The following NELL1 variants were observed in gnomAD, a reference collection of about 807,000 sequenced individuals.
NELL1 encodes protein kinase C-binding protein NELL1.
A neutral mutation model predicts 107.4 loss-of-function variants in NELL1; 76 were observed. That is an observed-to-expected ratio of 0.71 (90% CI 0.59 to 0.86). The LOEUF (loss-of-function observed/expected upper bound fraction) is 0.86. Ranked by LOEUF, NELL1 falls within the 40% of genes least tolerant of loss-of-function variation. The probability of loss-of-function intolerance (pLI) is 0.00; values close to 1 mark genes in which losing one functional copy is unlikely to be tolerated. For synonymous variants in NELL1, 353 were observed against 341.2 expected (o/e 1.03, Z -0.38); for missense variants, 1,024 against 1,005.5 (o/e 1.02, Z -0.25).
intron 15 of NELL1, among the ~76,000 whole-genome samples, chr11:21,451,756 A>T (rs1412782429): frequency 6.6e-6 from 1 of 152,190 alleles, no homozygotes; most frequent in East Asian, 1.9e-4. Context: ...GGCTTCAGAG[A>T]CTGCTTTTCT....
rs1564894982 is a variant in NELL1, at chr11:20,755,546, T to TTTATTTTATTTA, written c.185-28132_185-28131insATTTTATTTATT. 4.2e-4 allele frequency among the ~76,000 whole-genome samples: 19 copies of TTTATTTTATTTA among 45,532 alleles called. 1 individual carries two copies. In the Middle Eastern group the frequency reaches 0.065, roughly 156 times the overall value. 29.9% of individuals were successfully genotyped at this position (45,532 alleles called of 152,430 possible). ...AAGACCTGTGTGGGTTTTTGTTTTTTTTTGTTTTTGTTTTTGTTTTTTTTT... is the reference window on the plus strand; with the variant it reads ...AAGACCTGTGTGGGTTTTTGTTTTTTTTATTTTATTTATTTGTTTTTGTTTTTGTTTTTTTTT... On this transcript the variant is annotated intron_variant, in intron 2 of 19. Transcript: ENST00000357134.
At chr11:20,737,108 C>T (rs1453788614) in intron 2 of NELL1, among the ~76,000 whole-genome samples, 1 of 151,984 alleles carries the variant, frequency 6.6e-6, no homozygotes, top group Non-Finnish European at 1.5e-5. Context: ...TTCTTCCCTA[C>T]GTTATTTATT....
chr11:21,480,761 C>T (rs1854472649), intron 15 of NELL1, among the ~76,000 whole-genome samples: 2 of 152,172 alleles, frequency 1.3e-5, no homozygotes, highest in African/African-American at 4.8e-5. Flanking sequence ...GCAAAGAAGC[C>T]TTTCAGGCAG....
intron 14 of NELL1, among the ~76,000 whole-genome samples, chr11:21,232,146 A>G (rs1324251215): frequency 6.4e-5 from 2 of 31,492 alleles, no homozygotes; most frequent in East Asian, 2.1e-3. Context: ...CTAAAAAAAA[A>G]TAAAAAAAAA....
intron 14 of NELL1, among the ~76,000 whole-genome samples, chr11:21,306,563 G>A (rs896713332): frequency 1.3e-5 from 2 of 151,910 alleles, no homozygotes; most frequent in African/African-American, 4.8e-5. Context: ...TTCTCATTGG[G>A]TGTTCTGAGA....
intron 14 of NELL1, among the ~76,000 whole-genome samples, chr11:21,356,120 C>A (rs1254717818): frequency 6.6e-6 from 1 of 152,166 alleles, no homozygotes; most frequent in East Asian, 1.9e-4. Context: ...CACTTGCTAT[C>A]ATCTAATATC....
chr11:20,814,518 C>T (rs1224802478), intron 3 of NELL1, among the ~76,000 whole-genome samples: 10 of 152,190 alleles, frequency 6.6e-5, no homozygotes, highest in South Asian at 4.1e-4. Context: ...ACCCAATGTT[C>T]GGCTCCCACT....
chr11:21,569,689 T>C (rs76728597), intron 17 of NELL1, among the ~76,000 whole-genome samples: 6,290 of 151,828 alleles, frequency 0.041, 447 homozygotes, highest in African/African-American at 0.14. Flanking sequence ...AAGGTATGGA[T>C]TCGGGTCAAT....
In NELL1 at chr11:21,574,954, T is replaced by C; in HGVS notation, c.2383-18T>C. On this transcript the variant is annotated intron_variant, in intron 19 of 19. Coordinates refer to ENST00000357134, the MANE Select transcript of NELL1 (RefSeq NM_006157.5). ...TTCCATGTCTCAACTGGCTAACACA[T>C]GTTTCTTTGATGTACAGAATGGAAG... is the stretch of plus-strand genomic sequence containing the variant. 6.2e-7 allele frequency: 1 copy of C among 1,607,630 alleles called. No homozygotes were observed. The highest frequency in any genetic ancestry group is 1.1e-5 in the South Asian group (1 of 90,860).
In NELL1 at chr11:21,570,878, G is replaced by A. The variant is rs765086921; in HGVS notation, c.2095G>A (p.Gly699Ser). Residue 699 changes from glycine (G) to serine (S), a missense_variant, in exon 18 of 20, where the codon GGT (glycine) becomes AGT (serine). Gly to Ser is a moderately conservative substitution (Grantham distance 56, BLOSUM62 0). Coordinates refer to ENST00000357134, the MANE Select transcript of NELL1 (RefSeq NM_006157.5). Reference protein sequence around the residue: ...RVTSQCLDQNGHKLYRSGDNW... With the variant: ...RVTSQCLDQNSHKLYRSGDNW... The stretch of plus-strand genomic sequence containing the variant: ...CACAAGTCAATGTTTAGACCAAAAT[G>A]GTCACAAGCTGTATCGAAGTGGAGA... 1.3e-5 allele frequency: 21 copies of A among 1,611,918 alleles called. No individual in the cohort carries two copies. Among genetic ancestry groups the A allele is most frequent in the Non-Finnish European group, 1.8e-5 (21 of 1,178,626 alleles).
intron 14 of NELL1, among the ~76,000 whole-genome samples, chr11:21,272,046 A>C (rs926962719): frequency 6.6e-6 from 1 of 152,100 alleles, no homozygotes; most frequent in African/African-American, 2.4e-5. Flanking sequence ...GGAGTGTCGG[A>C]AAGTGGGTGC....
chr11:20,721,946 G>C (rs978033912), intron 2 of NELL1, among the ~76,000 whole-genome samples: 1 of 151,996 alleles, frequency 6.6e-6, no homozygotes, highest in Admixed American at 6.6e-5. Context: ...TGTATTCCAG[G>C]ACTTCAAGTT....
At chr11:21,388,133 T>C (rs1475879187) in intron 15 of NELL1, among the ~76,000 whole-genome samples, 1 of 151,538 alleles carries the variant, frequency 6.6e-6, no homozygotes, top group East Asian at 2.0e-4. Flanking sequence ...TCTACAGAGG[T>C]GTTCATTTTT....
intron 15 of NELL1, among the ~76,000 whole-genome samples, chr11:21,375,274 C>T (rs181873766): frequency 6.6e-5 from 10 of 152,072 alleles, no homozygotes; most frequent in East Asian, 5.8e-4. Flanking sequence ...CCTAATGCTT[C>T]GCTCCCACTT....
At chr11:21,096,766 A>G (rs1237021436) in intron 12 of NELL1, among the ~76,000 whole-genome samples, 1 of 152,050 alleles carries the variant, frequency 6.6e-6, no homozygotes, top group Non-Finnish European at 1.5e-5. Flanking sequence ...TCACTCTGTC[A>G]CCCAGTGGCA....
chr11:21,233,720 G>A (rs148578158), intron 14 of NELL1, among the ~76,000 whole-genome samples: 1 of 152,316 alleles, frequency 6.6e-6, no homozygotes, highest in East Asian at 1.9e-4. Context: ...CAGCAGCAGA[G>A]TGTTTATCTG....
chr11:20,723,734 G>GGT (rs991816604), intron 2 of NELL1, among the ~76,000 whole-genome samples: 1 of 148,542 alleles, frequency 6.7e-6, no homozygotes, highest in African/African-American at 2.6e-5. Context: ...GGACTCTGTG[G>GGT]GGGGGGGCTC....
intron 13 of NELL1, among the ~76,000 whole-genome samples, chr11:21,144,275 G>C (rs1326025493): frequency 6.6e-6 from 1 of 152,134 alleles, no homozygotes; most frequent in Non-Finnish European, 1.5e-5. Context: ...CTTAGGACAA[G>C]CTCCTGCTGA....
chr11:20,863,935 G>A (rs948627017), intron 4 of NELL1, among the ~76,000 whole-genome samples: 4 of 152,260 alleles, frequency 2.6e-5, no homozygotes, highest in South Asian at 2.1e-4. Context: ...GTGAAACCCC[G>A]TCTCCACCAA....
Sources: allele counts gnomAD v4.1 joint callset (sites outside exome capture counted in the v4.1 genomes callset), GRCh38; gene constraint gnomAD v4.1.1; transcripts MANE v1.5; gene names NCBI Gene and HGNC (gene_info 2026-07-23, HGNC 2026-07-21).